RP2: variants seen among roughly 807,000 people sequenced by gnomAD.
RP2 encodes the protein protein XRP2.
Under a neutral mutation model 20.3 loss-of-function variants are expected in RP2, and 3 were observed. That is an observed-to-expected ratio of 0.15 (90% CI 0.07 to 0.38). The LOEUF (loss-of-function observed/expected upper bound fraction) is 0.38, where lower values mean the gene tolerates loss of function less well. Ranked by LOEUF, RP2 falls within the 10% of genes least tolerant of loss-of-function variation. RP2 has a pLI of 1.00. For synonymous variants in RP2, 75 were observed against 94.8 expected (o/e 0.79, Z 1.22); for missense variants, 233 against 268.5 (o/e 0.87, Z 0.92).
chrX:46,872,392 G>T (rs1406401812), intron 3 of RP2, among the ~76,000 whole-genome samples: 2 of 111,842 alleles, frequency 1.8e-5, no homozygotes, highest in Non-Finnish European at 3.8e-5. Flanking sequence ...TTTGCTAGCT[G>T]ATTTGTTCCA....
intron 2 of RP2, among the ~76,000 whole-genome samples, chrX:46,854,499 C>T (rs183433561): frequency 3.7e-4 from 41 of 111,801 alleles, no homozygotes; most frequent in South Asian, 1.5e-3. Flanking sequence ...TCATATTTCA[C>T]TGATGATAGG....
intron 3 of RP2, among the ~76,000 whole-genome samples, chrX:46,867,330 A>G (rs1487536296): frequency 7.1e-5 from 8 of 112,337 alleles, no homozygotes; most frequent in African/African-American, 2.6e-4. Flanking sequence ...CGAACTCCCG[A>G]CCTCAGGCGA....
At chrX:46,867,650 C>A (rs901936322) in intron 3 of RP2, among the ~76,000 whole-genome samples, 1 of 110,387 alleles carries the variant, frequency 9.1e-6, no homozygotes, top group African/African-American at 3.3e-5. Context: ...CATTCCCCCC[C>A]ACCCCACTGT....
Position 46,870,674 on chromosome X carries a change from A to G in RP2, c.884-6831A>G, listed in dbSNP as rs368027609. Reference sequence around the variant, plus strand: ...CTACAATAGCTGAAACAGGCAGAGTATCACCTTGTTCAGCCTCAGCTGGGA... The same window carrying G: ...CTACAATAGCTGAAACAGGCAGAGTGTCACCTTGTTCAGCCTCAGCTGGGA... On this transcript the variant is annotated intron_variant, in intron 3 of 4. Transcript: ENST00000218340. Among the ~76,000 whole-genome samples, 101 of 112,412 alleles carry G rather than the reference A, an allele frequency of 9.0e-4. 1 individual carries two copies. In the South Asian group the frequency reaches 0.034, roughly 38 times the overall value.
At chrX:46,867,179 C>G (rs1201483404) in intron 3 of RP2, among the ~76,000 whole-genome samples, 1 of 111,242 alleles carries the variant, frequency 9.0e-6, no homozygotes, top group East Asian at 2.8e-4. Context: ...TGGCTCACTG[C>G]AACCTCCACC....
At chrX:46,871,821 G>A (rs955619935) in intron 3 of RP2, among the ~76,000 whole-genome samples, 20 of 112,236 alleles carry the variant, frequency 1.8e-4, no homozygotes, top group Non-Finnish European at 9.4e-5. Flanking sequence ...TTTTGGATTT[G>A]TCTGTTTCTC....
chrX:46,879,164 C>T (rs148841341), intron 4 of RP2, among the ~76,000 whole-genome samples: 212 of 106,243 alleles, frequency 2.0e-3, no homozygotes, highest in African/African-American at 6.8e-3. Flanking sequence ...CACTTGAGTC[C>T]AGAAGTCTAG....
chrX:46,854,712 A>G (rs1385961243), intron 2 of RP2, among the ~76,000 whole-genome samples: 2 of 110,676 alleles, frequency 1.8e-5, no homozygotes, highest in Non-Finnish European at 3.8e-5. Flanking sequence ...GACATTTTAT[A>G]ATTATTTAGT....
At chrX:46,841,826 CTTTG>C (rs1556314954) in intron 1 of RP2, among the ~76,000 whole-genome samples, 1 of 112,070 alleles carries the variant, frequency 8.9e-6, no homozygotes, top group African/African-American at 3.2e-5. Flanking sequence ...ATAACTAGTT[CTTTG>C]TTTATTAATT....
chrX:46,877,624 CTT>C (rs1253726882), intron 4 of RP2, 34 bp downstream of exon 4: 2 of 944,148 alleles, frequency 2.1e-6, no homozygotes, highest in South Asian at 2.0e-5. Context: ...TTCAATCTAA[CTT>C]TTCATTTCAT....
In RP2 at chrX:46,853,476, G is replaced by A. The variant is rs782634392; in HGVS notation, c.103G>A (p.Val35Ile). The A allele has an allele frequency of 1.7e-6, 2 of 1,208,614 alleles. No homozygotes were observed. Among genetic ancestry groups the A allele is most frequent in the Admixed American group, 2.2e-5 (1 of 45,717 alleles). Residue 35 changes from valine to isoleucine, a missense_variant and splice_region_variant, in exon 2 of 5, where the codon GTT (valine) becomes ATT (isoleucine). Val to Ile is a conservative substitution (Grantham distance 29, BLOSUM62 3). Coordinates refer to ENST00000218340, the MANE Select transcript of RP2 (RefSeq NM_006915.3). ...KQYSWDQREKVDPKDYMFSGL... is the reference protein window; with the variant it reads ...KQYSWDQREKIDPKDYMFSGL... ...CAAGGTCTGTGTTTTGTTCCTGCAG[G>A]TTGATCCAAAAGACTACATGTTCAG...
At chrX:46,877,153 G>T in intron 3 of RP2, among the ~76,000 whole-genome samples, 1 of 111,959 alleles carries the variant, frequency 8.9e-6, no homozygotes, top group Non-Finnish European at 1.9e-5. Flanking sequence ...GATTGCTTTT[G>T]ATCTTATTTG....
chrX:46,862,502 T>C (rs1556320412), intron 3 of RP2, among the ~76,000 whole-genome samples: 1 of 107,341 alleles, frequency 9.3e-6, no homozygotes, highest in Non-Finnish European at 1.9e-5. Flanking sequence ...CTACTAAAAA[T>C]ACAAAAAATT....
chrX:46,848,293 T>G (rs2147079356), intron 1 of RP2, among the ~76,000 whole-genome samples: 1 of 110,647 alleles, frequency 9.0e-6, no homozygotes. Context: ...ATTTTTGTTT[T>G]CTGTTAGGAA....
intron 4 of RP2, 49 bp from the exon 5 acceptor site, chrX:46,879,637 C>A: frequency 1.2e-6 from 1 of 860,713 alleles, no homozygotes; most frequent in Non-Finnish European, 1.7e-6. Context: ...CTTTGGCATT[C>A]TGAAGTACTT....
At chrX:46,879,192 T>C (rs1556328273) in intron 4 of RP2, among the ~76,000 whole-genome samples, 1 of 108,197 alleles carries the variant, frequency 9.2e-6, no homozygotes, top group Non-Finnish European at 1.9e-5. Context: ...TGAGCCATGA[T>C]TGCACCACTG....
At chrX:46,877,244 A>G (rs782320270) in intron 3 of RP2, among the ~76,000 whole-genome samples, 1 of 112,557 alleles carries the variant, frequency 8.9e-6, no homozygotes, top group African/African-American at 3.2e-5. Context: ...CAGAAAAGCC[A>G]GACTATTTAC....
chrX:46,854,175 C>G, intron 2 of RP2, 34 bp downstream of exon 2: 3 of 1,160,983 alleles, frequency 2.6e-6, no homozygotes, highest in Non-Finnish European at 3.5e-6. Context: ...AGTCATACAC[C>G]TAGATTTAAA....
chrX:46,850,979 C>A (rs1924849527), intron 1 of RP2, among the ~76,000 whole-genome samples: 1 of 111,503 alleles, frequency 9.0e-6, no homozygotes, highest in Non-Finnish European at 1.9e-5. Flanking sequence ...AAAATTGGGA[C>A]TGGAAAATGA....
Sources: gnomAD v4.1 joint callset for allele counts (sites outside exome capture counted in the v4.1 genomes callset) on GRCh38, gnomAD v4.1.1 for gene constraint, MANE v1.5 for transcripts, NCBI Gene and HGNC (gene_info 2026-07-23, HGNC 2026-07-21) for gene names.